RLF: variants seen among roughly 807,000 people sequenced by gnomAD.
RLF encodes zinc finger protein Rlf.
A neutral mutation model predicts 162.9 loss-of-function variants in RLF; 7 were observed. The ratio of observed to expected loss-of-function variants is 0.04; its 90% CI spans 0.02 to 0.08. The LOEUF is 0.08. Ranked by LOEUF, RLF falls within the 10% of genes least tolerant of loss-of-function variation. The probability of loss-of-function intolerance (pLI) is 1.00; values close to 1 mark genes in which losing one functional copy is unlikely to be tolerated. For missense variants in RLF, 1,664 were observed against 2,244.7 expected (o/e 0.74, Z 5.23); for synonymous variants, 782 against 791.5 (o/e 0.99, Z 0.20).
rs142425588 is a variant in RLF, at chr1:40,207,037, A to G, written c.810+4423A>G. Among the ~76,000 whole-genome samples, 197 of 152,218 alleles carry G rather than the reference A, an allele frequency of 1.3e-3. 1 individual carries two copies. The highest frequency in any genetic ancestry group is 4.2e-3 in the African/African-American group (176 of 41,536). On this transcript the variant is annotated intron_variant, in intron 5 of 7. Coordinates refer to ENST00000372771, the MANE Select transcript of RLF (RefSeq NM_012421.4). ...CCCCTATCACTTTGTCTTTCTGCCT[A>G]TTTGTATTTTCTTCATAGTACACAT...
rs1211553438 is a variant in RLF at position 40,226,058 on chromosome 1, CAAACAA to C, written c.947+3358_947+3363del. 2.0e-5 allele frequency among the ~76,000 whole-genome samples: 3 copies of C among 151,858 alleles called. 1 individual carries two copies. Among genetic ancestry groups the C allele is most frequent in the South Asian group, 2.1e-4 (1 of 4,814 alleles). Reference sequence around the variant, plus strand: ...ACAATGAGACCCTGTCTCAAAAAACCAAACAAAAACAAAAAACTATGTAACTGTCAC... The same window carrying C: ...ACAATGAGACCCTGTCTCAAAAAACCAAACAAAAAACTATGTAACTGTCAC... On this transcript the variant is annotated intron_variant, in intron 6 of 7. Transcript: ENST00000372771.
Position 40,237,001 on chromosome 1 carries a change from G to A in RLF, c.2299G>A (p.Asp767Asn). The A allele has an allele frequency of 3.1e-6, 5 of 1,614,146 alleles. No individual in the cohort carries two copies. Among genetic ancestry groups the A allele is most frequent in the Non-Finnish European group, 4.2e-6 (5 of 1,180,024 alleles). ...NELLNHKQKH[D>N]DLRYKCELNG... is the part of the protein sequence containing the mutation. ...ACTACTTAACCATAAACAAAAGCAT[G>A]ACGATCTGCGTTACAAATGTGAATT... The change falls in exon 8 of 8, where the codon GAC becomes AAC. Residue 767 changes from aspartate (D) to asparagine (N), a missense_variant. By Grantham distance (23) the Asp-to-Asn change is conservative. Coordinates refer to ENST00000372771, the MANE Select transcript of RLF (RefSeq NM_012421.4). This position sits in a 1 kb window ranked among gnomAD's most constrained non-coding sequence, Gnocchi z 4.4.
chr1:40,179,824 C>T lies in RLF; in HGVS notation c.238-9231C>T, dbSNP rs192095096. Among the ~76,000 whole-genome samples the T allele has an allele frequency of 3.3e-3, 500 of 152,224 alleles. 2 individuals are homozygous for T. Among genetic ancestry groups the T allele is most frequent in the Middle Eastern group, 0.02 (6 of 294 alleles). ...CTATGAATTTGACTACTCTTAGGTA[C>T]CTCATATAAGTGAAATTGTACAGTA... On this transcript the variant is annotated intron_variant, in intron 1 of 7. Coordinates refer to ENST00000372771, the MANE Select transcript of RLF (RefSeq NM_012421.4).
At position 40,239,620 on chromosome 1, in the gene RLF, G is replaced by C. The variant is rs758954162; in HGVS notation, c.4918G>C (p.Asp1640His). ...GDSSAPIQNT[D>H]CCHSSERDGG... ...CAGTAGTGCACCCATCCAGAACACT[G>C]ATTGCTGTCATTCAAGTGAAAGGGA... The change falls in exon 8 of 8, where the codon GAT (aspartate) becomes CAT (histidine). Residue 1640 changes from aspartate (D) to histidine (H), a missense_variant. Asp to His is a moderately conservative substitution (Grantham distance 81). This residue lies in a region of RLF where 327 missense variants were observed against 342.7 expected (regional missense o/e 0.95). Transcript: ENST00000372771. 1 of 1,614,004 alleles carries C rather than the reference G, an allele frequency of 6.2e-7. No homozygotes were observed. Among genetic ancestry groups the C allele is most frequent in the East Asian group, 2.2e-5 (1 of 44,896 alleles).
In RLF at chr1:40,189,093, A is replaced by G; in HGVS notation, c.276A>G (p.Glu92=). The G allele has an allele frequency of 6.2e-7, 1 of 1,612,286 alleles. No homozygotes were observed. Among genetic ancestry groups the G allele is most frequent in the South Asian group, 1.1e-5 (1 of 90,906 alleles). ...LQYASNKNAS[E]HIVYLLEVYR... ...ATGCAAGCAACAAGAATGCATCAGA[A>G]CATATTGTGTATCTTCTGGAGGTAT... The change falls in exon 2 of 8, where the codon GAA becomes GAG. Residue 92 remains glutamate (E), a synonymous_variant. Transcript: ENST00000372771.
chr1:40,186,141 G>C (rs1451817541), intron 1 of RLF, among the ~76,000 whole-genome samples: 2 of 150,278 alleles, frequency 1.3e-5, no homozygotes, highest in Non-Finnish European at 2.9e-5. Context: ...CTGGGTGACA[G>C]AGTGAGACTT....
intron 1 of RLF, among the ~76,000 whole-genome samples, chr1:40,188,799 C>T (rs929166374): frequency 6.6e-6 from 1 of 152,154 alleles, no homozygotes; most frequent in African/African-American, 2.4e-5. Flanking sequence ...GTGAGAACAA[C>T]TAGACATTTT....
rs756237944 is a variant in RLF at position 40,238,385 on chromosome 1, C to G, written c.3683C>G (p.Ser1228Cys). The G allele has an allele frequency of 1.9e-6, 3 of 1,614,032 alleles. No homozygotes were observed. Among genetic ancestry groups the G allele is most frequent in the African/African-American group, 2.7e-5 (2 of 74,912 alleles). ...CSVDRLKGDC[S>C]AELGGDPSSN... The stretch of plus-strand genomic sequence containing the variant: ...GTAGATAGGTTGAAAGGTGATTGTT[C>G]TGCAGAACTTGGAGGTGATCCCAGT... Residue 1228 changes from serine to cysteine, a missense_variant, in exon 8 of 8, where the codon TCT (serine) becomes TGT (cysteine). By Grantham distance (112) the Ser-to-Cys change is moderately radical. Around this residue, in one of 15 missense-constraint regions of RLF, gnomAD observed 102 missense variants for 109.5 expected, o/e 0.93. Transcript: ENST00000372771. This position sits in a 1 kb window ranked among gnomAD's most constrained non-coding sequence, Gnocchi z 5.2.
At chr1:40,211,561 T>C (rs994721516) in intron 5 of RLF, among the ~76,000 whole-genome samples, 1 of 152,252 alleles carries the variant, frequency 6.6e-6, no homozygotes, top group African/African-American at 2.4e-5. Flanking sequence ...AAAGTTATCT[T>C]AAAATTATTT....
intron 1 of RLF, among the ~76,000 whole-genome samples, chr1:40,167,089 CATTCATATA>C (rs1417423391): frequency 6.6e-6 from 1 of 152,092 alleles, no homozygotes; most frequent in Non-Finnish European, 1.5e-5. Context: ...TCTAAGCCTA[CATTCATATA>C]ATAATGTATA....
intron 1 of RLF, among the ~76,000 whole-genome samples, chr1:40,187,908 A>G (rs540608615): frequency 1.3e-5 from 2 of 152,218 alleles, no homozygotes; most frequent in Non-Finnish European, 2.9e-5. Context: ...ACATTATTCT[A>G]GGGTAATGAA....
Position 40,238,739 on chromosome 1 carries a change from A to C in RLF, c.4037A>C (p.Lys1346Thr). ...QYNKEQLCLE[K>T]DKARTKRELV... ...AACAAAGAACAGTTATGTTTGGAGAAAGACAAAGCAAGAACCAAAAGGGAA... is the reference window on the plus strand; with the variant it reads ...AACAAAGAACAGTTATGTTTGGAGACAGACAAAGCAAGAACCAAAAGGGAA... The change falls in exon 8 of 8, where the codon AAA (lysine) becomes ACA (threonine). Residue 1346 changes from lysine (K) to threonine (T), a missense_variant. By Grantham distance (78) the Lys-to-Thr change is moderately conservative. Coordinates refer to ENST00000372771, the MANE Select transcript of RLF (RefSeq NM_012421.4). The surrounding 1 kb of genome is among the most constrained non-coding windows in gnomAD (Gnocchi z 5.2). 1 of 1,613,834 alleles carries C rather than the reference A, an allele frequency of 6.2e-7. No homozygotes were observed. Among genetic ancestry groups the C allele is most frequent in the Non-Finnish European group, 8.5e-7 (1 of 1,179,818 alleles).
Position 40,239,131 on chromosome 1 carries a change from T to A in RLF, c.4429T>A (p.Phe1477Ile). The A allele has an allele frequency of 6.2e-7, 1 of 1,614,094 alleles. No individual in the cohort carries two copies. The highest frequency in any genetic ancestry group is 8.5e-7 in the Non-Finnish European group (1 of 1,180,008). ...ACATAAAGACTATTATGATGATTTG[T>A]TTAGAAGCCAGAAAGTAGCAAATGA... The part of the protein sequence containing the change: ...YRHKDYYDDL[F>I]RSQKVANERL... The change falls in exon 8 of 8, where the codon TTT becomes ATT. Residue 1477 changes from phenylalanine to isoleucine, a missense_variant. Phe to Ile is a conservative substitution (Grantham distance 21). Coordinates refer to ENST00000372771, the MANE Select transcript of RLF (RefSeq NM_012421.4).
intron 1 of RLF, among the ~76,000 whole-genome samples, chr1:40,174,499 G>A (rs1290037085): frequency 6.6e-6 from 1 of 152,118 alleles, no homozygotes. Flanking sequence ...GCTCTTTAAG[G>A]TTTGATTCTG....
At position 40,222,616 on chromosome 1, in the gene RLF, A is replaced by G. The variant is rs1643014452; in HGVS notation, c.853A>G (p.Asn285Asp). Residue 285 changes from asparagine to aspartate, a missense_variant, in exon 6 of 8, where the codon AAT becomes GAT. Transcript: ENST00000372771. ...CAAGGAAGTACTAGACATCATTTGT[A>G]ATCTGGAATCTGAGGGGCAGGATAA... ...DCKEVLDIIC[N>D]LESEGQDNTA... 6.2e-7 allele frequency: 1 copy of G among 1,613,628 alleles called. No individual in the cohort carries two copies. The highest frequency in any genetic ancestry group is 8.5e-7 in the Non-Finnish European group (1 of 1,179,810).
rs1377238740 is a variant in RLF at position 40,236,955 on chromosome 1, T to C, written c.2253T>C (p.Ala751=). Residue 751 remains alanine (A), a synonymous_variant, in exon 8 of 8, where the codon GCT becomes GCC. Coordinates refer to ENST00000372771, the MANE Select transcript of RLF (RefSeq NM_012421.4). This position sits in a 1 kb window ranked among gnomAD's most constrained non-coding sequence, Gnocchi z 7.7. ...PYMCVSIDCY[A]RFGSVNELLN... is the part of the protein sequence containing the mutation. Reference sequence around the variant, plus strand: ...TGTGTGTATCTATAGATTGCTATGCTAGGTTTGGATCAGTAAATGAACTAC... The same window carrying C: ...TGTGTGTATCTATAGATTGCTATGCCAGGTTTGGATCAGTAAATGAACTAC... The C allele has an allele frequency of 3.1e-6, 5 of 1,614,082 alleles. No homozygotes were observed. The highest frequency in any genetic ancestry group is 4.2e-6 in the Non-Finnish European group (5 of 1,180,032).
At chr1:40,204,554 A>G (rs1171399705) in intron 5 of RLF, among the ~76,000 whole-genome samples, 1 of 151,952 alleles carries the variant, frequency 6.6e-6, no homozygotes, top group Admixed American at 6.6e-5. Flanking sequence ...CCACAGAAAC[A>G]TGCCACCATT....
At chr1:40,212,068 T>C (rs192024771) in intron 5 of RLF, among the ~76,000 whole-genome samples, 1 of 152,384 alleles carries the variant, frequency 6.6e-6, no homozygotes, top group East Asian at 1.9e-4. Flanking sequence ...GCATACGTTC[T>C]AAAGTAGCAG....
intron 1 of RLF, among the ~76,000 whole-genome samples, chr1:40,163,109 T>G (rs1354855131): frequency 6.6e-6 from 1 of 150,536 alleles, no homozygotes; most frequent in Non-Finnish European, 1.5e-5. Flanking sequence ...GGAAAGACAA[T>G]TAACTAGAAA....
Sources: gnomAD v4.1 joint callset for allele counts (sites outside exome capture counted in the v4.1 genomes callset) on GRCh38, gnomAD v4.1.1 for gene constraint, gnomAD v4.1.1 regional missense constraint, Gnocchi (gnomAD v3.1) non-coding constraint, MANE v1.5 for transcripts, NCBI Gene and HGNC (gene_info 2026-07-23, HGNC 2026-07-21) for gene names.